Variants in PHACTR3 observed in about 807,000 individuals in gnomAD.
PHACTR3 encodes the protein protein phosphatase 1, regulatory subunit 123.
PHACTR3 carries 16 observed loss-of-function variants against 66.8 expected under a neutral mutation model. The ratio of observed to expected loss-of-function variants is 0.24; its 90% CI spans 0.16 to 0.36. The LOEUF is 0.36. PHACTR3 is among the 10% of genes least tolerant of loss of function. The probability of loss-of-function intolerance (pLI) is 1.00; values close to 1 mark genes in which losing one functional copy is unlikely to be tolerated. For missense variants in PHACTR3, 647 were observed against 719.9 expected (o/e 0.90, Z 1.16); for synonymous variants, 323 against 292.1 (o/e 1.11, Z -1.08).
intron 1 of PHACTR3, among the ~76,000 whole-genome samples, chr20:59,729,203 C>T (rs142879828): frequency 2.7e-4 from 41 of 152,094 alleles, no homozygotes; most frequent in Non-Finnish European, 4.4e-4. Flanking sequence ...GAGGGCATTG[C>T]GGGAACCTGG....
At chr20:59,753,871 C>T (rs1011845911) in intron 3 of PHACTR3, among the ~76,000 whole-genome samples, 3 of 152,182 alleles carry the variant, frequency 2.0e-5, no homozygotes, top group Admixed American at 6.5e-5. Context: ...AGGTAGGAAT[C>T]GGGACTGACC....
intron 8 of PHACTR3, among the ~76,000 whole-genome samples, chr20:59,825,409 TGTTCATTCATTCACTC>T (rs2042159918): frequency 6.6e-6 from 1 of 152,194 alleles, no homozygotes; most frequent in South Asian, 2.1e-4. Context: ...TTCAGTCACT[TGTTCATTCATTCACTC>T]GTTCATTCAC....
intron 7 of PHACTR3, among the ~76,000 whole-genome samples, chr20:59,799,863 T>C (rs1333452760): frequency 6.6e-6 from 1 of 152,148 alleles, no homozygotes; most frequent in Non-Finnish European, 1.5e-5. Flanking sequence ...TTCCATCTAG[T>C]TTTTTCCATC....
intron 11 of PHACTR3, chr20:59,844,340 T>C (rs529391715): frequency 1.8e-4 from 27 of 152,172 alleles, no homozygotes; most frequent in African/African-American, 6.5e-4. Context: ...AATCAGTACA[T>C]TGAAGAGATA....
At chr20:59,629,144 C>T (rs1365081313) in intron 1 of PHACTR3, among the ~76,000 whole-genome samples, 3 of 152,230 alleles carry the variant, frequency 2.0e-5, no homozygotes, top group East Asian at 3.9e-4. Context: ...GCGCCAGGCC[C>T]CTTGGCTCCT....
At chr20:59,800,082 T>G (rs1363240005) in intron 7 of PHACTR3, among the ~76,000 whole-genome samples, 2 of 152,214 alleles carry the variant, frequency 1.3e-5, no homozygotes, top group Non-Finnish European at 2.9e-5. Context: ...CTCACCAGAG[T>G]ATACTTCTGT....
intron 1 of PHACTR3, among the ~76,000 whole-genome samples, chr20:59,615,411 A>G (rs556759818): frequency 1.8e-4 from 27 of 152,344 alleles, no homozygotes; most frequent in Admixed American, 6.5e-4. Flanking sequence ...GCAAAGGGGC[A>G]TCGTGCATCC....
At chr20:59,726,481 G>A (rs762038901) in intron 1 of PHACTR3, among the ~76,000 whole-genome samples, 7 of 152,128 alleles carry the variant, frequency 4.6e-5, no homozygotes, top group African/African-American at 9.7e-5. Context: ...GCAGGCAAAC[G>A]GAAAAATGCA....
intron 1 of PHACTR3, among the ~76,000 whole-genome samples, chr20:59,737,044 C>T (rs1417381603): frequency 6.6e-6 from 1 of 152,154 alleles, no homozygotes; most frequent in Non-Finnish European, 1.5e-5. Context: ...TGAAGACCCT[C>T]TAGTGGCTCC....
At chr20:59,800,085 A>C (rs983114046) in intron 7 of PHACTR3, among the ~76,000 whole-genome samples, 2 of 152,168 alleles carry the variant, frequency 1.3e-5, no homozygotes, top group African/African-American at 4.8e-5. Context: ...ACCAGAGTAT[A>C]CTTCTGTTCT....
rs142739247 is a variant in PHACTR3 at position 59,754,541 on chromosome 20, G to A, written c.359-641G>A. Reference sequence around the variant, plus strand: ...TTACAGTGCCAGACACGTAGCCGGTGATCAGTAAACACCTGTTTAATGCCT... The same window carrying A: ...TTACAGTGCCAGACACGTAGCCGGTAATCAGTAAACACCTGTTTAATGCCT... On this transcript the variant is annotated intron_variant, in intron 3 of 12. Transcript: ENST00000371015. 6.9e-4 allele frequency among the ~76,000 whole-genome samples: 105 copies of A among 152,360 alleles called. 2 individuals are homozygous for A. The East Asian group carries it at 0.014, about 20-fold the overall frequency.
At chr20:59,593,490 CT>C (rs59197467) in intron 1 of PHACTR3, among the ~76,000 whole-genome samples, 4,150 of 147,628 alleles carry the variant, frequency 0.028, 77 homozygotes, top group Middle Eastern at 0.059. Context: ...ACAAAGTAGA[CT>C]TTTTTTTTTA....
intron 7 of PHACTR3, among the ~76,000 whole-genome samples, chr20:59,779,156 A>T (rs2040638332): frequency 6.6e-6 from 1 of 152,170 alleles, no homozygotes; most frequent in African/African-American, 2.4e-5. Context: ...AGCCATTTGC[A>T]AATTGAGGCT....
chr20:59,595,434 C>A (rs2033299683), intron 1 of PHACTR3, among the ~76,000 whole-genome samples: 1 of 152,124 alleles, frequency 6.6e-6, no homozygotes, highest in Non-Finnish European at 1.5e-5. Flanking sequence ...TGCACTCCAG[C>A]CTCTCAAAAT....
intron 1 of PHACTR3, among the ~76,000 whole-genome samples, chr20:59,609,151 C>T (rs1025821486): frequency 1.3e-5 from 2 of 152,180 alleles, no homozygotes; most frequent in African/African-American, 2.4e-5. Flanking sequence ...TCTGCAGGGC[C>T]GGGTCCAGGT....
intron 5 of PHACTR3, among the ~76,000 whole-genome samples, chr20:59,768,572 T>C (rs1317796991): frequency 6.6e-6 from 1 of 152,224 alleles, no homozygotes; most frequent in East Asian, 1.9e-4. Flanking sequence ...CGATCTCACC[T>C]AATCCTCATT....
intron 1 of PHACTR3, among the ~76,000 whole-genome samples, chr20:59,697,064 G>A (rs1169958435): frequency 6.6e-6 from 1 of 152,144 alleles, no homozygotes; most frequent in Non-Finnish European, 1.5e-5. Flanking sequence ...TGATGTGATA[G>A]GAAGCCCTGC....
intron 1 of PHACTR3, among the ~76,000 whole-genome samples, chr20:59,688,725 T>C (rs6092811): frequency 0.036 from 5,493 of 152,278 alleles, 345 homozygotes; most frequent in African/African-American, 0.13. Context: ...TAAGCTGTGT[T>C]ACATCGTTGT....
At chr20:59,686,610 GATGATGATGGTTGTGATGATT>G (rs1295265068) in intron 1 of PHACTR3, among the ~76,000 whole-genome samples, 3 of 151,694 alleles carry the variant, frequency 2.0e-5, no homozygotes, top group African/African-American at 7.3e-5. Context: ...TGATGGTGGT[GATGATGATGGTTGTGATGATT>G]GTGATGATGG....
Sources: allele counts gnomAD v4.1 joint callset (sites outside exome capture counted in the v4.1 genomes callset), GRCh38; gene constraint gnomAD v4.1.1; transcripts MANE v1.5; gene names NCBI Gene and HGNC (gene_info 2026-07-23, HGNC 2026-07-21).